PARD3B: variants seen among roughly 807,000 people sequenced by gnomAD.
PARD3B encodes the protein partitioning defective 3 homolog B.
PARD3B carries 103 observed loss-of-function variants against 130.2 expected under a neutral mutation model. The observed-to-expected ratio is 0.79, with a 90% CI of 0.67 to 0.93. PARD3B has a LOEUF of 0.93. PARD3B is among the 40% of genes least tolerant of loss of function. The pLI, the probability that PARD3B is intolerant of heterozygous loss-of-function variation, is 0.00. For synonymous variants in PARD3B, 583 were observed against 553.2 expected (o/e 1.05, Z -0.76); for missense variants, 1,609 against 1,499.2 (o/e 1.07, Z -1.21).
rs963054069 is a variant in PARD3B at position 204,664,140 on chromosome 2, C to T, written c.121-22041C>T. 1.1e-4 allele frequency among the ~76,000 whole-genome samples: 16 copies of T among 152,222 alleles called. No homozygotes were observed. Among genetic ancestry groups the T allele is most frequent in the African/African-American group, 2.9e-4 (12 of 41,536 alleles). ...AACCCCATGACTGTCTAATAGCTTA[C>T]ATATATGTTGGGTAGTAATGCCAGT... is the stretch of plus-strand genomic sequence containing the variant. On this transcript the variant is annotated intron_variant, in intron 1 of 22. Transcript: ENST00000406610. The surrounding 1 kb of genome is among the most constrained non-coding windows in gnomAD (Gnocchi z 5.2).
At chr2:205,545,369 CT>C (rs760147983) in intron 21 of PARD3B, among the ~76,000 whole-genome samples, 18 of 152,134 alleles carry the variant, frequency 1.2e-4, no homozygotes, top group Admixed American at 5.2e-4. Context: ...AAATCTGTAA[CT>C]AGGTAAGAGC....
intron 18 of PARD3B, among the ~76,000 whole-genome samples, chr2:205,320,847 T>G (rs1423162814): frequency 1.3e-5 from 2 of 152,182 alleles, no homozygotes; most frequent in African/African-American, 4.8e-5. Flanking sequence ...TTTCAATAAC[T>G]TGTTCCTTTA....
intron 3 of PARD3B, among the ~76,000 whole-genome samples, chr2:205,023,025 A>G (rs1189544798): frequency 6.6e-6 from 1 of 152,202 alleles, no homozygotes; most frequent in Non-Finnish European, 1.5e-5. Flanking sequence ...CTGATATGAA[A>G]TCATTACAGG....
intron 16 of PARD3B, among the ~76,000 whole-genome samples, chr2:205,251,228 C>T (rs1395658708): frequency 1.3e-5 from 2 of 152,100 alleles, no homozygotes; most frequent in Non-Finnish European, 2.9e-5. Context: ...CTAATCTGAT[C>T]GTTCTTGCCT....
chr2:204,565,992 C>A (rs1368536110), intron 1 of PARD3B, among the ~76,000 whole-genome samples: 1 of 152,188 alleles, frequency 6.6e-6, no homozygotes, highest in African/African-American at 2.4e-5. Flanking sequence ...GGCATGCTTA[C>A]ATTATTTTTT....
chr2:205,188,060 G>A (rs1463140789), intron 14 of PARD3B, among the ~76,000 whole-genome samples: 2 of 152,202 alleles, frequency 1.3e-5, no homozygotes, highest in African/African-American at 4.8e-5. Context: ...CGTCCTCTTA[G>A]AGACAGACAC....
At chr2:205,118,147 C>T (rs1485037438) in intron 6 of PARD3B, among the ~76,000 whole-genome samples, 1 of 152,182 alleles carries the variant, frequency 6.6e-6, no homozygotes, top group Non-Finnish European at 1.5e-5. Context: ...GCGGGGTCTG[C>T]TAGATGCCCC....
In PARD3B at chr2:205,300,716, G is replaced by T. The variant is rs764894143; in HGVS notation, c.2372G>T (p.Gly791Val). The T allele has an allele frequency of 6.2e-7, 1 of 1,611,370 alleles. No individual in the cohort carries two copies. The highest frequency in any genetic ancestry group is 2.2e-5 in the East Asian group (1 of 44,784). ...GCAGCCATTGACAAATCCTACGATG[G>T]ACCTGAAGAAATAGAAGCTGGTAGG... is the stretch of plus-strand genomic sequence containing the variant. Reference protein sequence around the residue: ...FRAAIDKSYDGPEEIEADGLS... With the variant: ...FRAAIDKSYDVPEEIEADGLS... Residue 791 changes from glycine (G) to valine (V), a missense_variant, in exon 17 of 23, where the codon GGA becomes GTA. Transcript: ENST00000406610. The surrounding 1 kb of genome is among the most constrained non-coding windows in gnomAD (Gnocchi z 4.1).
intron 1 of PARD3B, among the ~76,000 whole-genome samples, chr2:204,633,338 T>A (rs1178726342): frequency 6.6e-6 from 1 of 152,180 alleles, no homozygotes; most frequent in Non-Finnish European, 1.5e-5. Flanking sequence ...CCAACATCCC[T>A]AGATTATTTT....
chr2:204,668,149 G>C (rs73059054), intron 1 of PARD3B, among the ~76,000 whole-genome samples: 1,897 of 152,274 alleles, frequency 0.012, 34 homozygotes, highest in African/African-American at 0.043. Flanking sequence ...AGGAGAGAGA[G>C]GAGAGAGTTG....
intron 22 of PARD3B, among the ~76,000 whole-genome samples, chr2:205,587,478 G>A (rs1420507561): frequency 2.0e-5 from 3 of 152,108 alleles, no homozygotes; most frequent in East Asian, 1.9e-4. Context: ...TAATAATACC[G>A]TGGCCATCAG....
At chr2:205,198,472 T>A (rs1343143183) in intron 15 of PARD3B, among the ~76,000 whole-genome samples, 1 of 152,236 alleles carries the variant, frequency 6.6e-6, no homozygotes, top group African/African-American at 2.4e-5. Flanking sequence ...TCAAGATTAG[T>A]GATTCACCAG....
chr2:204,585,538 T>A (rs1466682998), intron 1 of PARD3B, among the ~76,000 whole-genome samples: 1 of 150,860 alleles, frequency 6.6e-6, no homozygotes, highest in African/African-American at 2.4e-5. Flanking sequence ...GAGACAGGGT[T>A]CAGCTATATT....
At chr2:204,676,805 G>T (rs1222195268) in intron 1 of PARD3B, among the ~76,000 whole-genome samples, 1 of 151,638 alleles carries the variant, frequency 6.6e-6, no homozygotes, top group East Asian at 2.0e-4. Context: ...GAGTAGCTGG[G>T]ATTACAGGCA....
At chr2:205,171,007 T>C (rs184514846) in intron 11 of PARD3B, among the ~76,000 whole-genome samples, 4 of 152,318 alleles carry the variant, frequency 2.6e-5, no homozygotes, top group East Asian at 1.9e-4. Flanking sequence ...TGGAACAAGT[T>C]ACATTTTGTG....
intron 15 of PARD3B, among the ~76,000 whole-genome samples, chr2:205,193,974 C>G (rs56393743): frequency 0.19 from 29,197 of 152,066 alleles, 3,607 homozygotes; most frequent in African/African-American, 0.35. Context: ...CAGGGCAGAG[C>G]AAGGGCCCCT....
intron 19 of PARD3B, among the ~76,000 whole-genome samples, chr2:205,438,677 T>C (rs928456816): frequency 8.0e-6 from 1 of 125,104 alleles, no homozygotes; most frequent in Non-Finnish European, 1.7e-5. Flanking sequence ...AATCTAGGAC[T>C]AACAGGCATT....
rs1179848049 is a variant in PARD3B at position 205,301,925 on chromosome 2, GGTC to G, written c.2630+225_2630+227del. ...TGTCTTAAGTTTGTTGTCAAAGAAA[GGTC>G]AACACTATGCCAGGCACGGTGGCTC... is the stretch of plus-strand genomic sequence containing the variant. On this transcript the variant is annotated intron_variant, in intron 18 of 22. Coordinates refer to ENST00000406610, the MANE Select transcript of PARD3B (RefSeq NM_001302769.2). This position sits in a 1 kb window ranked among gnomAD's most constrained non-coding sequence, Gnocchi z 5.2. The G allele has an allele frequency of 5.1e-5, 38 of 743,762 alleles. No individual in the cohort carries two copies. The highest frequency in any genetic ancestry group is 8.8e-5 in the Non-Finnish European group (37 of 418,102). The allele number at this position is 743,762 out of a possible 1,614,324, so 46.1% of individuals were successfully genotyped here.
intron 20 of PARD3B, among the ~76,000 whole-genome samples, chr2:205,487,213 C>T (rs776122185): frequency 7.9e-5 from 12 of 152,216 alleles, no homozygotes; most frequent in Middle Eastern, 3.4e-3. Flanking sequence ...CTCTTAACAC[C>T]GAGGGTCGAG....
Sources: gnomAD v4.1 joint callset for allele counts (sites outside exome capture counted in the v4.1 genomes callset) on GRCh38, gnomAD v4.1.1 for gene constraint, Gnocchi (gnomAD v3.1) non-coding constraint, MANE v1.5 for transcripts, NCBI Gene and HGNC (gene_info 2026-07-23, HGNC 2026-07-21) for gene names.